RHEB: variants seen among roughly 807,000 people sequenced by gnomAD.
The protein encoded by RHEB is GTP-binding protein Rheb.
Under a neutral mutation model 28.8 loss-of-function variants are expected in RHEB, and 2 were observed. That is an observed-to-expected ratio of 0.07 (90% CI 0.03 to 0.22). The LOEUF is 0.22. Ranked by LOEUF, RHEB falls within the 10% of genes least tolerant of loss-of-function variation. RHEB has a pLI of 1.00. For missense variants in RHEB, 76 were observed against 219.9 expected (o/e 0.35, Z 4.14); for synonymous variants, 69 against 77.3 (o/e 0.89, Z 0.56).
chr7:151,469,463 C>A (rs1051858178), intron 7 of RHEB, among the ~76,000 whole-genome samples: 4 of 152,054 alleles, frequency 2.6e-5, no homozygotes, highest in South Asian at 2.1e-4. Flanking sequence ...CTCCGTGCTG[C>A]GGAGAGGGGC....
rs1183662368 is a variant in RHEB, at chr7:151,468,682, GACCC to G, written c.463-1475_463-1472del. Among the ~76,000 whole-genome samples the G allele has an allele frequency of 8.5e-5, 13 of 152,320 alleles. No homozygotes were observed. In the East Asian group the frequency reaches 2.5e-3, roughly 29 times the overall value. On this transcript the variant is annotated intron_variant, in intron 7 of 7. Transcript: ENST00000262187. This position sits in a 1 kb window ranked among gnomAD's most constrained non-coding sequence, Gnocchi z 4.3. ...CTCCACATCCTCCATCCACCAAGCT[GACCC>G]ACCCACTTGAATGTGGGCTCCCATC...
intron 2 of RHEB, among the ~76,000 whole-genome samples, chr7:151,488,654 G>A (rs899414254): frequency 3.9e-5 from 6 of 152,034 alleles, no homozygotes; most frequent in Admixed American, 2.0e-4. Context: ...AACTTTTAAT[G>A]GATACATATT....
At chr7:151,486,942 G>C (rs577924569) in intron 2 of RHEB, among the ~76,000 whole-genome samples, 1 of 152,328 alleles carries the variant, frequency 6.6e-6, no homozygotes, top group African/African-American at 2.4e-5. Context: ...GATAGGAGAG[G>C]AAGGGAAATG....
chr7:151,505,903 G>A (rs1231040253), intron 1 of RHEB, among the ~76,000 whole-genome samples: 1 of 152,146 alleles, frequency 6.6e-6, no homozygotes, highest in African/African-American at 2.4e-5. Context: ...TATATTGTAT[G>A]ATTCGATGTA....
At chr7:151,487,487 C>T (rs891353969) in intron 2 of RHEB, among the ~76,000 whole-genome samples, 28 of 146,056 alleles carry the variant, frequency 1.9e-4, no homozygotes, top group African/African-American at 7.1e-4. Context: ...AAGATTCGGC[C>T]AAGAAGACTG....
At chr7:151,471,485 T>C (rs1239898095) in intron 5 of RHEB, 44 bp from the exon 6 acceptor site, 2 of 1,547,672 alleles carry the variant, frequency 1.3e-6, no homozygotes, top group Non-Finnish European at 1.8e-6. Context: ...TGCCAGATTG[T>C]ATTGCTCAGA....
At chr7:151,471,501 C>T in intron 5 of RHEB, 48 bp downstream of exon 5, 1 of 1,546,642 alleles carries the variant, frequency 6.5e-7, no homozygotes, top group South Asian at 1.2e-5. Context: ...TCAGAAGATA[C>T]TATTAAAAGA....
At chr7:151,519,316 A>G (rs1803139215) in intron 1 of RHEB, 144 bp downstream of exon 1, 2 of 465,752 alleles carry the variant, frequency 4.3e-6, no homozygotes, top group African/African-American at 2.1e-5. Context: ...ACCTCCGCTC[A>G]GAATGGTGGT....
chr7:151,500,155 G>A (rs1269343479), intron 1 of RHEB, among the ~76,000 whole-genome samples: 1 of 152,162 alleles, frequency 6.6e-6, no homozygotes, highest in African/African-American at 2.4e-5. Context: ...AAGCCACTAA[G>A]GGTTTTCCAG....
At chr7:151,494,582 G>A (rs1004605462) in intron 1 of RHEB, among the ~76,000 whole-genome samples, 6 of 152,156 alleles carry the variant, frequency 3.9e-5, no homozygotes, top group Admixed American at 3.9e-4. Context: ...AAATCACATC[G>A]CAGGTTGACA....
intron 6 of RHEB, among the ~76,000 whole-genome samples, 194 bp downstream of exon 6, chr7:151,471,200 T>C (rs570780348): frequency 5.3e-4 from 81 of 152,402 alleles, no homozygotes; most frequent in African/African-American, 1.9e-3. Context: ...GGTAGTTTCC[T>C]ATAAAGTTTG....
Position 151,468,377 on chromosome 7 carries a change from C to T in RHEB, c.463-1166G>A, listed in dbSNP as rs900491654. ...GGCGCCACTGTACTTCAACTCCCTT[C>T]CCTACCAACTGTCGCTGGCACGGTG... On this transcript the variant is annotated intron_variant, in intron 7 of 7. Transcript: ENST00000262187. The surrounding 1 kb of genome is among the most constrained non-coding windows in gnomAD (Gnocchi z 4.3). Among the ~76,000 whole-genome samples, 3 of 152,350 alleles carry T rather than the reference C, an allele frequency of 2.0e-5. No individual in the cohort carries two copies. Among genetic ancestry groups the T allele is most frequent in the African/African-American group, 7.2e-5 (3 of 41,580 alleles).
At chr7:151,473,988 A>C (rs1259067511) in intron 4 of RHEB, among the ~76,000 whole-genome samples, 1 of 152,250 alleles carries the variant, frequency 6.6e-6, no homozygotes, top group African/African-American at 2.4e-5. Context: ...ACTCGGAAGA[A>C]ACCGAACCAG....
chr7:151,498,816 T>C (rs866597828), intron 1 of RHEB, among the ~76,000 whole-genome samples: 2 of 152,178 alleles, frequency 1.3e-5, no homozygotes, highest in African/African-American at 4.8e-5. Flanking sequence ...AGATTAACTC[T>C]CCAGTCGTCC....
chr7:151,471,746 G>C (rs1554436453), intron 4 of RHEB, 141 bp from the exon 5 acceptor site: 1 of 611,610 alleles, frequency 1.6e-6, no homozygotes, highest in Non-Finnish European at 2.9e-6. Context: ...AAGAACTCCT[G>C]TTTTTTCCTA....
chr7:151,501,114 A>C (rs1203847440), intron 1 of RHEB, among the ~76,000 whole-genome samples: 3 of 152,238 alleles, frequency 2.0e-5, no homozygotes, highest in Non-Finnish European at 4.4e-5. Context: ...CAATCCATAA[A>C]AGAAAAAAAT....
intron 2 of RHEB, among the ~76,000 whole-genome samples, chr7:151,490,598 A>G (rs919595538): frequency 6.6e-6 from 1 of 152,218 alleles, no homozygotes; most frequent in African/African-American, 2.4e-5. Flanking sequence ...CATTCTTTCA[A>G]GCTTGGAATC....
intron 6 of RHEB, 76 bp from the exon 7 acceptor site, chr7:151,470,728 C>T (rs1389733881): frequency 9.7e-7 from 1 of 1,026,198 alleles, no homozygotes; most frequent in Admixed American, 2.3e-5. Context: ...ATTTATGAAA[C>T]AGGCTCCATT....
At chr7:151,479,682 CAAAA>C (rs10690355) in intron 3 of RHEB, among the ~76,000 whole-genome samples, 2 of 113,278 alleles carry the variant, frequency 1.8e-5, no homozygotes, top group African/African-American at 6.7e-5. Flanking sequence ...GACTCCGTCT[CAAAA>C]AAAAAAAAAA....
Sources: gnomAD v4.1 joint callset for allele counts (sites outside exome capture counted in the v4.1 genomes callset) on GRCh38, gnomAD v4.1.1 for gene constraint, Gnocchi (gnomAD v3.1) non-coding constraint, MANE v1.5 for transcripts, NCBI Gene and HGNC (gene_info 2026-07-23, HGNC 2026-07-21) for gene names.